EPN2: variants seen among roughly 807,000 people sequenced by gnomAD.
EPN2 encodes epsin-2.
In EPN2, 34 loss-of-function variants were observed where a neutral mutation model predicts 61.7. The observed-to-expected ratio is 0.55, with a 90% confidence interval of 0.42 to 0.73. EPN2 has a LOEUF of 0.73. Among genes scored for constraint, EPN2 ranks in the 30% least tolerant of loss-of-function variants. The probability of loss-of-function intolerance (pLI) is 0.00; values close to 1 mark genes in which losing one functional copy is unlikely to be tolerated. For missense variants in EPN2, 714 were observed against 839.2 expected (o/e 0.85, Z 1.84); for synonymous variants, 349 against 353.6 (o/e 0.99, Z 0.15).
At chr17:19,251,152 G>T (rs1307402534) in intron 1 of EPN2, among the ~76,000 whole-genome samples, 2 of 152,172 alleles carry the variant, frequency 1.3e-5, no homozygotes, top group African/African-American at 4.8e-5. Context: ...TAAAAACCAG[G>T]ATCACACAAC....
rs556874942 is a variant in EPN2 at position 19,323,366 on chromosome 17, C to T, written c.1148-5345C>T. Among the ~76,000 whole-genome samples the T allele has an allele frequency of 2.0e-5, 3 of 152,278 alleles. No homozygotes were observed. In the South Asian group the frequency reaches 6.2e-4, roughly 32 times the overall value. On this transcript the variant is annotated intron_variant, in intron 7 of 10. Coordinates refer to ENST00000314728, the MANE Select transcript of EPN2 (RefSeq NM_014964.5). ...CAGAGTGAGGACACCTAACACATAT[C>T]TGTTTGGAGTTTCAGAAGAGCTAAT...
chr17:19,264,363 C>T (rs1435615477), intron 1 of EPN2, among the ~76,000 whole-genome samples: 1 of 152,130 alleles, frequency 6.6e-6, no homozygotes, highest in African/African-American at 2.4e-5. Context: ...TTTTGTTTTT[C>T]TTTGAGAGGC....
At chr17:19,279,606 T>G (rs2045341132) in intron 1 of EPN2, among the ~76,000 whole-genome samples, 1 of 151,636 alleles carries the variant, frequency 6.6e-6, no homozygotes, top group Non-Finnish European at 1.5e-5. Flanking sequence ...GCCTGGCTAA[T>G]TTTTTGTATT....
intron 4 of EPN2, among the ~76,000 whole-genome samples, chr17:19,303,420 C>G (rs751026612): frequency 1.3e-5 from 2 of 152,238 alleles, no homozygotes; most frequent in Non-Finnish European, 2.9e-5. Flanking sequence ...CATGGCAGCA[C>G]GTTCTCCATT....
At chr17:19,268,797 CAGTGGGTG>C (rs2045226482) in intron 1 of EPN2, among the ~76,000 whole-genome samples, 1 of 152,170 alleles carries the variant, frequency 6.6e-6, no homozygotes, top group South Asian at 2.1e-4. Context: ...ACAGCGGTGA[CAGTGGGTG>C]AGTGTCAGCT....
intron 7 of EPN2, among the ~76,000 whole-genome samples, chr17:19,319,967 CT>C (rs1231926147): frequency 6.6e-6 from 1 of 152,216 alleles, no homozygotes; most frequent in Non-Finnish European, 1.5e-5. Context: ...ACAGATTATA[CT>C]TTTGCAGGGA....
At chr17:19,252,413 A>G (rs2045025211) in intron 1 of EPN2, among the ~76,000 whole-genome samples, 1 of 152,202 alleles carries the variant, frequency 6.6e-6, no homozygotes, top group South Asian at 2.1e-4. Flanking sequence ...TTCATGATGG[A>G]GGATTTCAAA....
At chr17:19,311,346 T>C (rs1428951331) in intron 5 of EPN2, among the ~76,000 whole-genome samples, 2 of 152,106 alleles carry the variant, frequency 1.3e-5, no homozygotes, top group Non-Finnish European at 2.9e-5. Flanking sequence ...TTAATATTTA[T>C]AATAAAATAT....
intron 7 of EPN2, chr17:19,313,594 A>T: frequency 3.0e-6 from 1 of 331,440 alleles, no homozygotes; most frequent in South Asian, 1.2e-4. Flanking sequence ...CCTCAGCGTT[A>T]CACCCAGCGT....
At chr17:19,292,332 G>C (rs1273093362) in intron 4 of EPN2, among the ~76,000 whole-genome samples, 1 of 152,260 alleles carries the variant, frequency 6.6e-6, no homozygotes. Context: ...CCTGTGGGGA[G>C]TGTGTCTAGC....
intron 1 of EPN2, chr17:19,273,000 G>A (rs1597985758): frequency 6.6e-6 from 1 of 152,196 alleles, no homozygotes; most frequent in Non-Finnish European, 1.5e-5. Context: ...AATGATAAGG[G>A]CATGTTGATA....
intron 4 of EPN2, chr17:19,296,633 C>A (rs1002390295): frequency 3.3e-5 from 5 of 151,938 alleles, no homozygotes; most frequent in African/African-American, 1.2e-4. Context: ...TGTTTTGAGA[C>A]AGTGTCTTGC....
chr17:19,280,121 G>A (rs552338356), intron 1 of EPN2: 11 of 152,432 alleles, frequency 7.2e-5, no homozygotes, highest in East Asian at 5.8e-4. Context: ...TTACAGGTGT[G>A]AGCCACCATG....
chr17:19,265,463 T>C (rs1567847351), intron 1 of EPN2, among the ~76,000 whole-genome samples: 1 of 151,938 alleles, frequency 6.6e-6, no homozygotes, highest in Non-Finnish European at 1.5e-5. Flanking sequence ...CATTAGAAGG[T>C]GAAGACACTT....
chr17:19,328,255 G>C (rs777372654), intron 7 of EPN2, among the ~76,000 whole-genome samples: 2 of 152,170 alleles, frequency 1.3e-5, no homozygotes, highest in Non-Finnish European at 1.5e-5. Context: ...AGCACATGGG[G>C]AGAGGATGCC....
intron 4 of EPN2, among the ~76,000 whole-genome samples, chr17:19,293,707 A>G (rs767321501): frequency 1.3e-5 from 2 of 151,934 alleles, no homozygotes; most frequent in Non-Finnish European, 2.9e-5. Flanking sequence ...AGCCAGGAAT[A>G]CCTAATTAAA....
chr17:19,237,732 G>A (rs1032249247), intron 1 of EPN2, among the ~76,000 whole-genome samples: 5 of 152,092 alleles, frequency 3.3e-5, no homozygotes, highest in African/African-American at 1.2e-4. Context: ...CCCGCCCCAC[G>A]GACTGGAGCA....
At chr17:19,293,324 G>A (rs2045483173) in intron 4 of EPN2, among the ~76,000 whole-genome samples, 1 of 148,840 alleles carries the variant, frequency 6.7e-6, no homozygotes, top group Non-Finnish European at 1.5e-5. Context: ...AGGTTGCAGT[G>A]AGCCGAGATC....
chr17:19,319,331 A>C (rs920509007), intron 7 of EPN2, among the ~76,000 whole-genome samples: 3 of 151,854 alleles, frequency 2.0e-5, no homozygotes, highest in African/African-American at 4.8e-5. Context: ...CTACTTTTTA[A>C]ATTTTTTTTT....
Sources: allele counts gnomAD v4.1 joint callset (sites outside exome capture counted in the v4.1 genomes callset), GRCh38; gene constraint gnomAD v4.1.1; transcripts MANE v1.5; gene names NCBI Gene and HGNC (gene_info 2026-07-23, HGNC 2026-07-21).